Variants in COLEC12 observed in about 807,000 individuals in gnomAD.
COLEC12 encodes the protein collectin-12.
A neutral mutation model predicts 71.1 loss-of-function variants in COLEC12; 33 were observed. That is an observed-to-expected ratio of 0.46 (90% CI 0.35 to 0.62). The LOEUF (loss-of-function observed/expected upper bound fraction) is 0.62. Ranked by LOEUF, COLEC12 falls within the 20% of genes least tolerant of loss-of-function variation. The pLI, the probability that COLEC12 is intolerant of heterozygous loss-of-function variation, is 0.00. For missense variants in COLEC12, 765 were observed against 916.1 expected (o/e 0.84, Z 2.13); for synonymous variants, 350 against 353.0 (o/e 0.99, Z 0.10).
At chr18:414,132 G>C (rs990196340) in intron 2 of COLEC12, among the ~76,000 whole-genome samples, 9 of 152,182 alleles carry the variant, frequency 5.9e-5, no homozygotes, top group Admixed American at 2.6e-4. Flanking sequence ...CCACTGGGAG[G>C]AACTGGGTAA....
rs190033045 is a variant in COLEC12, at chr18:407,954, G to A, written c.59-50432C>T. Among the ~76,000 whole-genome samples the A allele has an allele frequency of 7.2e-5, 11 of 152,316 alleles. 1 individual carries two copies. Among genetic ancestry groups the A allele is most frequent in the African/African-American group, 2.2e-4 (9 of 41,566 alleles). On this transcript the variant is annotated intron_variant, in intron 2 of 9. Transcript: ENST00000400256. ...TATATTTTTAAAAAGCTCCCCAGGT[G>A]ATCTGGATATATAGTCAGAATTGCA...
intron 2 of COLEC12, among the ~76,000 whole-genome samples, chr18:386,759 G>C (rs543706656): frequency 1.3e-5 from 2 of 152,290 alleles, no homozygotes; most frequent in Non-Finnish European, 2.9e-5. Context: ...TCTCACTTAC[G>C]GAAACTAAGT....
At chr18:422,902 A>G (rs1916125867) in intron 2 of COLEC12, among the ~76,000 whole-genome samples, 1 of 152,226 alleles carries the variant, frequency 6.6e-6, no homozygotes, top group Non-Finnish European at 1.5e-5. Context: ...TAGAAATAAG[A>G]CACAACTGGA....
intron 2 of COLEC12, among the ~76,000 whole-genome samples, chr18:420,722 T>C (rs1464305119): frequency 6.6e-6 from 1 of 152,198 alleles, no homozygotes; most frequent in African/African-American, 2.4e-5. Context: ...TATTTCTTAT[T>C]TTTTGTATAT....
intron 2 of COLEC12, among the ~76,000 whole-genome samples, chr18:444,243 T>C (rs960549574): frequency 1.3e-5 from 2 of 152,220 alleles, no homozygotes; most frequent in Admixed American, 6.5e-5. Flanking sequence ...ACTATGATGA[T>C]TGATACATTC....
chr18:446,551 A>AAT (rs1916655686), intron 2 of COLEC12, among the ~76,000 whole-genome samples: 2 of 71,392 alleles, frequency 2.8e-5, no homozygotes, highest in East Asian at 4.2e-4. Flanking sequence ...AAAAAAAAAA[A>AAT]AAATTTTTTT....
At position 441,678 on chromosome 18, in the gene COLEC12, A is replaced by G. The variant is rs114095453; in HGVS notation, c.58+39029T>C. ...AAATACTAACAATGTTTTTCTTTAT[A>G]TAGTTGTAGCTGTACACAATTCAAC... On this transcript the variant is annotated intron_variant, in intron 2 of 9. Transcript: ENST00000400256. Among the ~76,000 whole-genome samples the G allele has an allele frequency of 7.1e-3, 1,088 of 152,254 alleles. 8 individuals are homozygous for G. The highest frequency in any genetic ancestry group is 0.025 in the African/African-American group (1,052 of 41,546).
In COLEC12 at chr18:334,972, G is replaced by A. The variant is rs778196915; in HGVS notation, c.1586C>T (p.Pro529Leu). 91 of 1,557,812 alleles carry A rather than the reference G, an allele frequency of 5.8e-5. No individual in the cohort carries two copies. Among genetic ancestry groups the A allele is most frequent in the East Asian group, 9.3e-5 (4 of 42,934 alleles). ...GAGTCCCTCTTTGCCTGGTGGGCCC[G>A]GGGGGCCTGGGTCCCCACTGGAGCC... is the stretch of plus-strand genomic sequence containing the variant. The part of the protein sequence containing the change: ...PQGSSGDPGP[P>L]GPPGKEGLPG... Residue 529 changes from proline to leucine, a missense_variant, in exon 6 of 10, where the codon CCG becomes CTG. Transcript: ENST00000400256.
At chr18:348,512 G>A (rs1471974331) in intron 3 of COLEC12, among the ~76,000 whole-genome samples, 1 of 152,126 alleles carries the variant, frequency 6.6e-6, no homozygotes, top group African/African-American at 2.4e-5. Flanking sequence ...ATAGATGAAG[G>A]CAAGGCACAC....
intron 5 of COLEC12, among the ~76,000 whole-genome samples, 182 bp from the exon 6 acceptor site, chr18:335,412 C>T (rs1157275928): frequency 6.6e-6 from 1 of 152,156 alleles, no homozygotes; most frequent in Admixed American, 6.5e-5. Context: ...ATGTCCTCCT[C>T]CAAATTCTTA....
In COLEC12 at chr18:369,398, T is replaced by A. The variant is rs1482570713; in HGVS notation, c.59-11876A>T. 2.7e-4 allele frequency among the ~76,000 whole-genome samples: 35 copies of A among 131,632 alleles called. No individual in the cohort carries two copies. In the East Asian group the frequency reaches 3.9e-3, roughly 15 times the overall value. 86.4% of individuals were successfully genotyped at this position (131,632 alleles called of 152,430 possible). ...GGTGATACAGATCTTTTTTTTTTTA[T>A]TTTTTTTTATTTTTATTTTTATTTT... On this transcript the variant is annotated intron_variant, in intron 2 of 9. Transcript: ENST00000400256.
chr18:429,664 G>A (rs1486496346), intron 2 of COLEC12, among the ~76,000 whole-genome samples: 3 of 152,150 alleles, frequency 2.0e-5, no homozygotes, highest in Non-Finnish European at 4.4e-5. Flanking sequence ...TTACAGGTGT[G>A]AGCCACTGTG....
At chr18:335,948 G>A (rs767248122) in intron 5 of COLEC12, among the ~76,000 whole-genome samples, 6 of 152,196 alleles carry the variant, frequency 3.9e-5, no homozygotes, top group Admixed American at 6.5e-5. Flanking sequence ...AGTCACCTGG[G>A]CCTGTGTTGT....
intron 1 of COLEC12, among the ~76,000 whole-genome samples, chr18:489,272 T>C (rs781060862): frequency 6.6e-6 from 1 of 152,208 alleles, no homozygotes; most frequent in African/African-American, 2.4e-5. Flanking sequence ...ATTTCCAATA[T>C]AGAATGCTCT....
At chr18:323,653 T>A (rs545225913) in intron 8 of COLEC12, among the ~76,000 whole-genome samples, 36 of 152,370 alleles carry the variant, frequency 2.4e-4, no homozygotes, top group Admixed American at 4.6e-4. Context: ...AGCAGTTTAA[T>A]CTTGTGGACA....
chr18:475,343 G>C (rs1412210418), intron 2 of COLEC12, among the ~76,000 whole-genome samples: 1 of 152,130 alleles, frequency 6.6e-6, no homozygotes, highest in African/African-American at 2.4e-5. Flanking sequence ...GGAAATGATG[G>C]AAATTCCTGG....
rs545559187 is a variant in COLEC12, at chr18:440,861, G to C, written c.58+39846C>G. 9.2e-5 allele frequency among the ~76,000 whole-genome samples: 14 copies of C among 152,238 alleles called. No homozygotes were observed. The South Asian group carries it at 2.7e-3, about 29-fold the overall frequency. ...ATACCTATAGGATACCTGAGTTTTG[G>C]AAAGTTTCAAATACTCACAATAACA... On this transcript the variant is annotated intron_variant, in intron 2 of 9. Transcript: ENST00000400256.
Position 334,735 on chromosome 18 carries a change from G to A in COLEC12, c.1816+7C>T. On this transcript the variant is annotated splice_region_variant and intron_variant, in intron 6 of 9. Coordinates refer to ENST00000400256, the MANE Select transcript of COLEC12 (RefSeq NM_130386.3). Reference sequence around the variant, plus strand: ...TCCCCCTGGCTGGAGGGAGGGCTTGGACTTACCATTGTCCTCCGGTGCTGG... The same window carrying A: ...TCCCCCTGGCTGGAGGGAGGGCTTGAACTTACCATTGTCCTCCGGTGCTGG... 1 of 1,465,758 alleles carries A rather than the reference G, an allele frequency of 6.8e-7. No homozygotes were observed. Among genetic ancestry groups the A allele is most frequent in the Non-Finnish European group, 9.0e-7 (1 of 1,113,278 alleles). 90.8% of individuals were successfully genotyped at this position (1,465,758 alleles called of 1,614,324 possible).
chr18:336,017 G>C (rs1000712515), intron 5 of COLEC12, among the ~76,000 whole-genome samples: 2 of 152,134 alleles, frequency 1.3e-5, no homozygotes, highest in African/African-American at 4.8e-5. Context: ...ATTTCCTCTT[G>C]TCCTTAATTT....
Sources: allele counts gnomAD v4.1 joint callset (sites outside exome capture counted in the v4.1 genomes callset), GRCh38; gene constraint gnomAD v4.1.1; transcripts MANE v1.5; gene names NCBI Gene and HGNC (gene_info 2026-07-23, HGNC 2026-07-21).